ZMIZ1: variants seen among roughly 807,000 people sequenced by gnomAD.
ZMIZ1 encodes the protein zinc finger MIZ-type containing 1.
In ZMIZ1, 17 loss-of-function variants were observed where a neutral mutation model predicts 113.9. That is an observed-to-expected ratio of 0.15 (90% CI 0.10 to 0.22). The LOEUF (loss-of-function observed/expected upper bound fraction) is 0.22. Ranked by LOEUF, ZMIZ1 falls within the 10% of genes least tolerant of loss-of-function variation. ZMIZ1 has a pLI of 1.00. For synonymous variants in ZMIZ1, 607 were observed against 603.1 expected (o/e 1.01, Z -0.09); for missense variants, 1,059 against 1,477.8 (o/e 0.72, Z 4.65).
chr10:79,212,387 T>C (rs1208549279), intron 6 of ZMIZ1, among the ~76,000 whole-genome samples: 1 of 151,976 alleles, frequency 6.6e-6, no homozygotes, highest in South Asian at 2.1e-4. Context: ...CCCAGGATGG[T>C]CTCAAACTCC....
chr10:79,215,953 C>T (rs1020931410), intron 6 of ZMIZ1, among the ~76,000 whole-genome samples: 2 of 152,162 alleles, frequency 1.3e-5, no homozygotes, highest in Non-Finnish European at 2.9e-5. Context: ...CCTGGGAAAC[C>T]CCTAAGGACG....
intron 2 of ZMIZ1, among the ~76,000 whole-genome samples, chr10:79,132,424 C>T (rs111417362): frequency 0.013 from 1,973 of 152,320 alleles, 43 homozygotes; most frequent in African/African-American, 0.045. Context: ...CTGCCTGCAG[C>T]ATACCACACA....
At chr10:79,077,521 T>G (rs918178274) in intron 1 of ZMIZ1, among the ~76,000 whole-genome samples, 15 of 151,804 alleles carry the variant, frequency 9.9e-5, no homozygotes, top group African/African-American at 3.4e-4. Flanking sequence ...CATCGAAAAA[T>G]GGTGTTCCAT....
rs1330578871 is a variant in ZMIZ1 at position 79,148,272 on chromosome 10, C to T, written c.-131+8495C>T. ...CAACATTCCAGGGTGGGCCCAGGGC[C>T]AGGCCCAGGTAAGGCCTAGGAGAGA... On this transcript the variant is annotated intron_variant, in intron 3 of 24. Transcript: ENST00000334512. Among the ~76,000 whole-genome samples the T allele has an allele frequency of 2.0e-5, 3 of 152,354 alleles. No individual in the cohort carries two copies. In the East Asian group the frequency reaches 5.8e-4, roughly 29 times the overall value.
intron 7 of ZMIZ1, among the ~76,000 whole-genome samples, chr10:79,229,651 C>T (rs1849318594): frequency 6.6e-6 from 1 of 152,240 alleles, no homozygotes; most frequent in African/African-American, 2.4e-5. Flanking sequence ...ACCCCTTCAA[C>T]GTAAGCTCAT....
chr10:79,184,554 C>G (rs1338062208), intron 4 of ZMIZ1, among the ~76,000 whole-genome samples: 3 of 152,222 alleles, frequency 2.0e-5, no homozygotes, highest in African/African-American at 7.2e-5. Context: ...ATGCAATCAC[C>G]CGCCCCCTCT....
At chr10:79,209,627 C>T (rs1848460385) in intron 6 of ZMIZ1, among the ~76,000 whole-genome samples, 1 of 152,242 alleles carries the variant, frequency 6.6e-6, no homozygotes, top group African/African-American at 2.4e-5. Flanking sequence ...AAAAGGCCCA[C>T]ATGGCCTTGG....
intron 9 of ZMIZ1, among the ~76,000 whole-genome samples, chr10:79,290,323 C>T (rs773183686): frequency 9.9e-5 from 15 of 152,148 alleles, no homozygotes; most frequent in Non-Finnish European, 2.1e-4. Flanking sequence ...GTCAGACCCA[C>T]CTCCCTCTCA....
chr10:79,298,077 C>A (rs1854028371), intron 14 of ZMIZ1, among the ~76,000 whole-genome samples: 1 of 152,156 alleles, frequency 6.6e-6, no homozygotes, highest in African/African-American at 2.4e-5. Flanking sequence ...TTCATTCCCG[C>A]TGTCCTGTCC....
chr10:79,262,530 TTGA>T (rs1480020814), intron 7 of ZMIZ1, among the ~76,000 whole-genome samples: 3 of 152,210 alleles, frequency 2.0e-5, no homozygotes, highest in Admixed American at 6.5e-5. Flanking sequence ...ATAAACCATT[TTGA>T]TTTTCATTGC....
At chr10:79,301,683 G>A (rs1017237877) in intron 17 of ZMIZ1, among the ~76,000 whole-genome samples, 2 of 152,192 alleles carry the variant, frequency 1.3e-5, no homozygotes, top group East Asian at 3.9e-4. Context: ...GTGATGTGCT[G>A]TGTGAGGCTG....
At chr10:79,265,392 C>T (rs1387727387) in intron 7 of ZMIZ1, among the ~76,000 whole-genome samples, 2 of 151,222 alleles carry the variant, frequency 1.3e-5, no homozygotes, top group African/African-American at 4.9e-5. Flanking sequence ...GTGTGGGGAC[C>T]GGGGGTGGGG....
At chr10:79,079,331 C>G (rs949208127) in intron 1 of ZMIZ1, among the ~76,000 whole-genome samples, 5 of 152,216 alleles carry the variant, frequency 3.3e-5, no homozygotes, top group Non-Finnish European at 7.3e-5. Context: ...CAAACGTGCA[C>G]TTTCCTGGAG....
At chr10:79,262,353 A>G (rs1353159072) in intron 7 of ZMIZ1, among the ~76,000 whole-genome samples, 1 of 152,254 alleles carries the variant, frequency 6.6e-6, no homozygotes, top group Admixed American at 6.5e-5. Flanking sequence ...CAAGCCTTCC[A>G]GATTATTCTA....
intron 7 of ZMIZ1, among the ~76,000 whole-genome samples, chr10:79,236,242 A>G (rs560878371): frequency 9.2e-5 from 14 of 152,282 alleles, no homozygotes; most frequent in Admixed American, 7.8e-4. Flanking sequence ...TCCGCTGCAA[A>G]GTGGAAGCTT....
chr10:79,298,904 C>T, intron 15 of ZMIZ1, 146 bp from the exon 16 acceptor site: 2 of 1,086,862 alleles, frequency 1.8e-6, no homozygotes, highest in Non-Finnish European at 2.6e-6. Context: ...ACTGGTGTGC[C>T]CTTGGACTGG....
intron 1 of ZMIZ1, among the ~76,000 whole-genome samples, chr10:79,111,276 G>A (rs958238064): frequency 1.3e-5 from 2 of 152,222 alleles, no homozygotes; most frequent in African/African-American, 2.4e-5. Flanking sequence ...GCAGGGGCTC[G>A]GAGGTCATGG....
rs200834820 is a variant in ZMIZ1, at chr10:79,304,182, G to A, written c.2286+7G>A. 338 of 1,610,838 alleles carry A rather than the reference G, an allele frequency of 2.1e-4. 2 individuals are homozygous for A. The African/African-American group carries it at 4.0e-3, about 19-fold the overall frequency. ...CGATTGCAAGCATGTGCAGGTGAGC[G>A]GCCCCAGAAAGCACAGCTCTGGCAA... On this transcript the variant is annotated splice_region_variant and intron_variant, in intron 19 of 24. Transcript: ENST00000334512.
intron 7 of ZMIZ1, among the ~76,000 whole-genome samples, chr10:79,266,338 CG>C (rs1474625229): frequency 6.6e-6 from 1 of 152,164 alleles, no homozygotes; most frequent in East Asian, 1.9e-4. Context: ...CAGCAGTGGG[CG>C]GGGCCGTTGT....
Sources: gnomAD v4.1 joint callset for allele counts (sites outside exome capture counted in the v4.1 genomes callset) on GRCh38, gnomAD v4.1.1 for gene constraint, MANE v1.5 for transcripts, NCBI Gene and HGNC (gene_info 2026-07-23, HGNC 2026-07-21) for gene names.